DST: variants seen among roughly 807,000 people sequenced by gnomAD.
The protein encoded by DST is bullous pemphigoid antigen.
A neutral mutation model predicts 875.2 loss-of-function variants in DST; 253 were observed. The observed-to-expected ratio is 0.29, with a 90% CI of 0.26 to 0.32. The LOEUF is 0.32. Among genes scored for constraint, DST ranks in the 10% least tolerant of loss-of-function variants. The pLI is 1.00. For missense variants in DST, 8,287 were observed against 9,111.6 expected (o/e 0.91, Z 3.68); for synonymous variants, 3,124 against 3,197.1 (o/e 0.98, Z 0.77).
chr6:56,460,093 T>A (rs762342410), intron 103 of DST, 38 bp downstream of exon 103: 1 of 1,576,954 alleles, frequency 6.3e-7, no homozygotes, highest in Non-Finnish European at 8.6e-7. Context: ...ATGACCATGC[T>A]GCAAAAGCCA....
chr6:56,864,062 A>G (rs569340856), intron 3 of DST: 14 of 152,368 alleles, frequency 9.2e-5, no homozygotes, highest in African/African-American at 3.1e-4. Context: ...GTGGACTTCA[A>G]GTAAAGCAGA....
intron 4 of DST, among the ~76,000 whole-genome samples, chr6:56,779,626 A>G (rs2099687760): frequency 6.6e-6 from 1 of 151,834 alleles, no homozygotes; most frequent in Non-Finnish European, 1.5e-5. Flanking sequence ...TCCCAGCACC[A>G]TTTATTAAAT....
chr6:56,669,026 C>A lies in DST; in HGVS notation c.1214+1615G>T, dbSNP rs543358829. On this transcript the variant is annotated intron_variant, in intron 10 of 103. Transcript: ENST00000680361. ...TATAAACTTGGTAAACCTAAGGTTC[C>A]TTATCTGTAAAAGCTGGATAATAAC... Among the ~76,000 whole-genome samples the A allele has an allele frequency of 2.3e-4, 35 of 152,052 alleles. 1 individual carries two copies. In the South Asian group the frequency reaches 7.3e-3, roughly 32 times the overall value.
At chr6:56,601,755 T>C in intron 43 of DST, 79 bp from the exon 44 acceptor site, 1 of 868,058 alleles carries the variant, frequency 1.2e-6, no homozygotes, top group Non-Finnish European at 1.7e-6. Flanking sequence ...ATTTATGTTT[T>C]GTAAATACAT....
intron 4 of DST, among the ~76,000 whole-genome samples, chr6:56,786,179 A>G (rs1468807582): frequency 6.6e-6 from 1 of 152,084 alleles, no homozygotes; most frequent in African/African-American, 2.4e-5. Context: ...TTGAAGAAAA[A>G]CAATTAAAGA....
chr6:56,787,278 T>G (rs933923539), intron 4 of DST, among the ~76,000 whole-genome samples: 2 of 152,196 alleles, frequency 1.3e-5, no homozygotes, highest in South Asian at 4.1e-4. Context: ...ATGAATAATA[T>G]TCTATTCACA....
chr6:56,744,571 C>T (rs955252749), intron 4 of DST, among the ~76,000 whole-genome samples: 13 of 152,070 alleles, frequency 8.5e-5, no homozygotes, highest in African/African-American at 2.9e-4. Context: ...TAGTTGGGAT[C>T]GTTGAAAAGA....
intron 2 of DST, among the ~76,000 whole-genome samples, chr6:56,941,542 G>A (rs1427087240): frequency 6.6e-6 from 1 of 152,106 alleles, no homozygotes; most frequent in Non-Finnish European, 1.5e-5. Context: ...CAGTGCAATG[G>A]TGCTATCATG....
chr6:56,946,218 G>A (rs1819423851), intron 2 of DST, among the ~76,000 whole-genome samples: 1 of 152,136 alleles, frequency 6.6e-6, no homozygotes, highest in Non-Finnish European at 1.5e-5. Flanking sequence ...GAAATATCAA[G>A]AAGGAATCAG....
intron 8 of DST, among the ~76,000 whole-genome samples, 174 bp downstream of exon 8, chr6:56,701,714 C>T (rs937042858): frequency 6.6e-6 from 1 of 152,148 alleles, no homozygotes; most frequent in Non-Finnish European, 1.5e-5. Flanking sequence ...CTATTAACTT[C>T]TTTTCTTGGG....
chr6:56,560,158 C>T, intron 58 of DST, 136 bp downstream of exon 58: 1 of 890,906 alleles, frequency 1.1e-6, no homozygotes, highest in South Asian at 2.6e-5. Context: ...ACACTTTATG[C>T]AAAAAATAGA....
intron 61 of DST, among the ~76,000 whole-genome samples, chr6:56,545,698 A>G (rs1487625561): frequency 6.6e-6 from 1 of 152,200 alleles, no homozygotes; most frequent in Non-Finnish European, 1.5e-5. Context: ...CAATTTTATC[A>G]GCTGAAACAT....
intron 2 of DST, among the ~76,000 whole-genome samples, chr6:56,927,480 A>G (rs1562431920): frequency 6.6e-6 from 1 of 152,218 alleles, no homozygotes; most frequent in Non-Finnish European, 1.5e-5. Context: ...AATCTCAGAT[A>G]TAAATATTAA....
At chr6:56,793,182 A>G (rs1336825241) in intron 4 of DST, among the ~76,000 whole-genome samples, 1 of 151,512 alleles carries the variant, frequency 6.6e-6, no homozygotes, top group Non-Finnish European at 1.5e-5. Context: ...GCTAGAAGTT[A>G]AAGGTTAGGG....
At chr6:56,537,155 C>T (rs1442634302) in intron 61 of DST, among the ~76,000 whole-genome samples, 2 of 152,106 alleles carry the variant, frequency 1.3e-5, no homozygotes, top group African/African-American at 4.8e-5. Flanking sequence ...TTTGAGAATA[C>T]TAAAGAATGA....
intron 5 of DST, among the ~76,000 whole-genome samples, chr6:56,718,580 A>G (rs2099403185): frequency 6.6e-6 from 1 of 151,624 alleles, no homozygotes; most frequent in South Asian, 2.1e-4. Flanking sequence ...AAATAAAAAC[A>G]TGTGTCTACA....
At chr6:56,835,483 T>C (rs2099792527) in intron 4 of DST, among the ~76,000 whole-genome samples, 1 of 152,166 alleles carries the variant, frequency 6.6e-6, no homozygotes, top group South Asian at 2.1e-4. Flanking sequence ...TAGTTTCTGC[T>C]CAATTTTGCT....
chr6:56,587,443 C>T (rs924890417), intron 49 of DST, among the ~76,000 whole-genome samples: 1 of 152,142 alleles, frequency 6.6e-6, no homozygotes, highest in Non-Finnish European at 1.5e-5. Context: ...GATCAGTGTA[C>T]CTGAAAGTGA....
At chr6:56,541,922 TCAAA>T (rs2097133531) in intron 61 of DST, among the ~76,000 whole-genome samples, 1 of 152,206 alleles carries the variant, frequency 6.6e-6, no homozygotes, top group Non-Finnish European at 1.5e-5. Flanking sequence ...TAACAGTGGC[TCAAA>T]CACTCAGAAC....
Sources: gnomAD v4.1 joint callset for allele counts (sites outside exome capture counted in the v4.1 genomes callset) on GRCh38, gnomAD v4.1.1 for gene constraint, MANE v1.5 for transcripts, NCBI Gene and HGNC (gene_info 2026-07-23, HGNC 2026-07-21) for gene names.